CPQ: variants seen among roughly 807,000 people sequenced by gnomAD.
CPQ encodes Ser-Met dipeptidase.
A neutral mutation model predicts 45.7 loss-of-function variants in CPQ; 37 were observed. The observed-to-expected ratio is 0.81, with a 90% CI of 0.62 to 1.07. The LOEUF (loss-of-function observed/expected upper bound fraction) is 1.07. Among genes scored for constraint, CPQ ranks in the 50% least tolerant of loss-of-function variants. The probability of loss-of-function intolerance (pLI) is 0.00; values close to 1 mark genes in which losing one functional copy is unlikely to be tolerated. For missense variants in CPQ, 537 were observed against 572.9 expected (o/e 0.94, Z 0.64); for synonymous variants, 186 against 205.8 (o/e 0.90, Z 0.82).
At chr8:96,706,892 C>A (rs1179725317) in intron 1 of CPQ, among the ~76,000 whole-genome samples, 1 of 152,034 alleles carries the variant, frequency 6.6e-6, no homozygotes, top group Non-Finnish European at 1.5e-5. Flanking sequence ...AGAATAGCCA[C>A]AAAGGTAGGA....
chr8:96,989,883 T>C (rs1245716516), intron 5 of CPQ, among the ~76,000 whole-genome samples: 1 of 152,050 alleles, frequency 6.6e-6, no homozygotes, highest in Non-Finnish European at 1.5e-5. Context: ...AAACTGAAAC[T>C]CAGAGAGAAT....
At chr8:96,903,296 T>C (rs1056325944) in intron 4 of CPQ, among the ~76,000 whole-genome samples, 31 of 152,162 alleles carry the variant, frequency 2.0e-4, no homozygotes, top group African/African-American at 6.0e-4. Context: ...TGGAAACAAA[T>C]AGAGTAGTAG....
At chr8:96,946,572 A>G (rs554438257) in intron 4 of CPQ, among the ~76,000 whole-genome samples, 17 of 149,828 alleles carry the variant, frequency 1.1e-4, no homozygotes, top group African/African-American at 2.7e-4. Flanking sequence ...ATATCTCCCA[A>G]TGCTATCCCT....
At chr8:96,895,903 CTT>C in intron 4 of CPQ, among the ~76,000 whole-genome samples, 1 of 152,256 alleles carries the variant, frequency 6.6e-6, no homozygotes, top group Non-Finnish European at 1.5e-5. Context: ...TGCCTCATCT[CTT>C]TGCAAAATTA....
At chr8:96,777,746 ATATATATATATATATTTTTTTTTTTTTT>A (rs1238393456) in intron 1 of CPQ, among the ~76,000 whole-genome samples, 7 of 13,696 alleles carry the variant, frequency 5.1e-4, no homozygotes, top group African/African-American at 1.7e-3. Flanking sequence ...ATATATATAT[ATATATATATATATATTTTTTTTTTTTTT>A]TTTTTTTTTT....
intron 1 of CPQ, among the ~76,000 whole-genome samples, chr8:96,741,698 CA>C (rs1318329569): frequency 6.6e-6 from 1 of 152,024 alleles, no homozygotes; most frequent in Non-Finnish European, 1.5e-5. Context: ...TGGTTTCAAA[CA>C]ACATCTTTAT....
At chr8:96,696,597 A>G (rs1756271528) in intron 1 of CPQ, among the ~76,000 whole-genome samples, 2 of 151,858 alleles carry the variant, frequency 1.3e-5, no homozygotes, top group South Asian at 2.1e-4. Context: ...TGGTTTTGTG[A>G]AAAGATAAAC....
intron 1 of CPQ, among the ~76,000 whole-genome samples, chr8:96,736,788 T>C (rs1175438176): frequency 6.6e-6 from 1 of 152,218 alleles, no homozygotes; most frequent in Non-Finnish European, 1.5e-5. Context: ...TAATAATTAA[T>C]GGACATTAGA....
intron 7 of CPQ, among the ~76,000 whole-genome samples, chr8:97,123,033 T>TAAAAA (rs1163506066): frequency 9.5e-5 from 3 of 31,610 alleles, no homozygotes; most frequent in Non-Finnish European, 1.9e-4. Context: ...ATAAATAAAA[T>TAAAAA]AAAATAAAAT....
chr8:96,967,247 G>T (rs972063991), intron 5 of CPQ, among the ~76,000 whole-genome samples: 1 of 152,144 alleles, frequency 6.6e-6, no homozygotes, highest in Non-Finnish European at 1.5e-5. Flanking sequence ...TTTTATTTCA[G>T]TATGTTCAAT....
chr8:96,651,700 ATATTT>A (rs145855557), intron 1 of CPQ, among the ~76,000 whole-genome samples: 86,640 of 151,190 alleles, frequency 0.57, 27,282 homozygotes, highest in Non-Finnish European at 0.71. Context: ...ATTTAATAGT[ATATTT>A]TATTATTAAT....
intron 5 of CPQ, among the ~76,000 whole-genome samples, chr8:97,002,864 A>AACT (rs1437823560): frequency 6.6e-6 from 1 of 152,062 alleles, no homozygotes; most frequent in African/African-American, 2.4e-5. Context: ...TGGGGTATTA[A>AACT]ACTCTCCAGC....
At chr8:97,135,256 A>AT (rs1376468329) in intron 7 of CPQ, among the ~76,000 whole-genome samples, 14 of 151,724 alleles carry the variant, frequency 9.2e-5, no homozygotes, top group Admixed American at 5.9e-4. Context: ...GTGATTGAGG[A>AT]TTTTTTTTGT....
At chr8:96,906,779 G>A (rs1812583418) in intron 4 of CPQ, among the ~76,000 whole-genome samples, 1 of 152,036 alleles carries the variant, frequency 6.6e-6, no homozygotes, top group African/African-American at 2.4e-5. Flanking sequence ...CTGCCCTCAT[G>A]ACCTAATCAC....
At chr8:96,879,492 C>A (rs1277275988) in intron 3 of CPQ, among the ~76,000 whole-genome samples, 2 of 152,078 alleles carry the variant, frequency 1.3e-5, no homozygotes, top group African/African-American at 2.4e-5. Flanking sequence ...ATGTGTGTAC[C>A]TTTTGATCAT....
intron 5 of CPQ, among the ~76,000 whole-genome samples, chr8:96,973,641 G>A (rs1422575121): frequency 1.3e-5 from 2 of 152,050 alleles, no homozygotes; most frequent in Non-Finnish European, 1.5e-5. Flanking sequence ...AACCTATAAA[G>A]GGAAAACCCC....
chr8:97,016,899 A>C (rs1809589511), intron 5 of CPQ, among the ~76,000 whole-genome samples: 1 of 152,242 alleles, frequency 6.6e-6, no homozygotes, highest in African/African-American at 2.4e-5. Context: ...GACCAGAAGC[A>C]AGACTAGATT....
At chr8:97,091,479 T>A (rs1586536846) in intron 7 of CPQ, among the ~76,000 whole-genome samples, 1 of 152,204 alleles carries the variant, frequency 6.6e-6, no homozygotes, top group African/African-American at 2.4e-5. Context: ...TACTTGTAAT[T>A]GTCAGGCCAG....
At chr8:97,141,085 A>T (rs1812152126) in intron 7 of CPQ, among the ~76,000 whole-genome samples, 6 of 152,110 alleles carry the variant, frequency 3.9e-5, no homozygotes. Context: ...AAATATTTTT[A>T]AAATTTAGAA....
Sources: allele counts gnomAD v4.1 joint callset (sites outside exome capture counted in the v4.1 genomes callset), GRCh38; gene constraint gnomAD v4.1.1; transcripts MANE v1.5; gene names NCBI Gene and HGNC (gene_info 2026-07-23, HGNC 2026-07-21).